LRP1B: variants seen among roughly 807,000 people sequenced by gnomAD.
The protein encoded by LRP1B is low-density lipoprotein receptor-related protein 1B.
In LRP1B, 217 loss-of-function variants were observed where a neutral mutation model predicts 556.6. The ratio of observed to expected loss-of-function variants is 0.39; its 90% CI spans 0.35 to 0.44. LRP1B has a LOEUF of 0.44. Ranked by LOEUF, LRP1B falls within the 20% of genes least tolerant of loss-of-function variation. LRP1B has a pLI of 1.00. For synonymous variants in LRP1B, 2,047 were observed against 1,865.8 expected, an observed-to-expected ratio of 1.10 and a Z score of -2.50; for missense variants, 5,053 against 5,620.8, an observed-to-expected ratio of 0.90 and a Z score of 3.23.
chr2:140,797,375 C>T (rs1690352822), intron 32 of LRP1B, among the ~76,000 whole-genome samples: 3 of 152,004 alleles, frequency 2.0e-5, no homozygotes, highest in Admixed American at 2.0e-4. Context: ...CAACAAACTT[C>T]TTCAAAGCTA....
intron 68 of LRP1B, among the ~76,000 whole-genome samples, chr2:140,373,869 GAAAC>G (rs879428869): frequency 5.3e-5 from 8 of 152,136 alleles, no homozygotes; most frequent in Non-Finnish European, 1.0e-4. Context: ...TATGGAATGT[GAAAC>G]AAACAAAAAT....
chr2:140,612,524 TTAC>T (rs1480471759), intron 41 of LRP1B, among the ~76,000 whole-genome samples: 1 of 152,176 alleles, frequency 6.6e-6, no homozygotes, highest in African/African-American at 2.4e-5. Context: ...ATGAATTTCT[TTAC>T]TCAACAAGTC....
At chr2:140,745,917 C>G (rs401163) in intron 35 of LRP1B, among the ~76,000 whole-genome samples, 1 of 151,870 alleles carries the variant, frequency 6.6e-6, no homozygotes, top group Non-Finnish European at 1.5e-5. Flanking sequence ...TATGGTAAGG[C>G]GGAAAGAGCA....
intron 43 of LRP1B, among the ~76,000 whole-genome samples, chr2:140,590,094 A>G (rs181952429): frequency 1.4e-4 from 21 of 152,116 alleles, no homozygotes; most frequent in African/African-American, 4.6e-4. Flanking sequence ...GTTTAATTAA[A>G]AATTCATAAG....
At chr2:140,763,081 A>G (rs931509580) in intron 35 of LRP1B, among the ~76,000 whole-genome samples, 3 of 152,138 alleles carry the variant, frequency 2.0e-5, no homozygotes, top group African/African-American at 7.2e-5. Context: ...AATATAAAAT[A>G]GTTTGACCTA....
intron 20 of LRP1B, among the ~76,000 whole-genome samples, chr2:140,923,751 T>C (rs1234556242): frequency 2.0e-5 from 3 of 152,072 alleles, no homozygotes; most frequent in Non-Finnish European, 4.4e-5. Context: ...AATATAAGAA[T>C]TGAAATACTA....
At chr2:141,802,783 A>G (rs1010491532) in intron 2 of LRP1B, among the ~76,000 whole-genome samples, 1 of 152,092 alleles carries the variant, frequency 6.6e-6, no homozygotes, top group Non-Finnish European at 1.5e-5. Context: ...TCCGGGAAGA[A>G]ATGTGCTCAC....
intron 1 of LRP1B, among the ~76,000 whole-genome samples, chr2:141,886,740 G>GT (rs1369103401): frequency 2.6e-5 from 4 of 151,950 alleles, no homozygotes; most frequent in African/African-American, 9.7e-5. Flanking sequence ...TTTTGTTTTT[G>GT]TTTTTTCCTT....
chr2:141,782,877 T>G (rs958952482), intron 2 of LRP1B, among the ~76,000 whole-genome samples: 1 of 152,054 alleles, frequency 6.6e-6, no homozygotes. Flanking sequence ...AAAGCCTTTC[T>G]GAGAAGAGCT....
intron 3 of LRP1B, among the ~76,000 whole-genome samples, chr2:141,372,095 C>G (rs1034098759): frequency 6.6e-6 from 1 of 151,906 alleles, no homozygotes; most frequent in African/African-American, 2.4e-5. Context: ...TTATCAAATG[C>G]TTTTTCTGCA....
At chr2:141,121,335 A>G (rs1284129249) in intron 7 of LRP1B, among the ~76,000 whole-genome samples, 2 of 152,084 alleles carry the variant, frequency 1.3e-5, no homozygotes, top group East Asian at 3.9e-4. Flanking sequence ...TCCAACCTTC[A>G]TCTCAGAAAG....
chr2:140,541,987 A>G lies in LRP1B; in HGVS notation c.7195-16T>C. 6.4e-7 allele frequency: 1 copy of G among 1,574,020 alleles called. No individual in the cohort carries two copies. Among genetic ancestry groups the G allele is most frequent in the Non-Finnish European group, 8.7e-7 (1 of 1,152,254 alleles). The stretch of plus-strand genomic sequence containing the variant: ...TAACTATCACCTGAAATAAATTAAA[A>G]TACTGTATTTTTATGATGAATATAT... On this transcript the variant is annotated splice_polypyrimidine_tract_variant and intron_variant, in intron 43 of 90. Coordinates refer to ENST00000389484, the MANE Select transcript of LRP1B (RefSeq NM_018557.3).
At chr2:141,553,791 G>T (rs941276135) in intron 2 of LRP1B, among the ~76,000 whole-genome samples, 67 of 131,404 alleles carry the variant, frequency 5.1e-4, no homozygotes, top group Admixed American at 1.6e-3. Context: ...TAAATATATA[G>T]AAATATATAT....
intron 43 of LRP1B, among the ~76,000 whole-genome samples, chr2:140,595,568 T>C (rs1437608048): frequency 1.3e-5 from 2 of 152,152 alleles, no homozygotes; most frequent in Non-Finnish European, 2.9e-5. Context: ...AGAACGTTTA[T>C]TTTACCTTTT....
At position 141,555,180 on chromosome 2, in the gene LRP1B, C is replaced by G. The variant is rs556826931; in HGVS notation, c.206-74647G>C. Among the ~76,000 whole-genome samples the G allele has an allele frequency of 7.9e-5, 12 of 151,938 alleles. No individual in the cohort carries two copies. The South Asian group carries it at 2.5e-3, about 32-fold the overall frequency. On this transcript the variant is annotated intron_variant, in intron 2 of 90. Transcript: ENST00000389484. ...CTCTGCTAAAGGAAATATATGTAAACAAATAAACAAACACCACTACAAATT... is the reference window on the plus strand; with the variant it reads ...CTCTGCTAAAGGAAATATATGTAAAGAAATAAACAAACACCACTACAAATT...
chr2:141,115,788 G>A (rs760923923), intron 7 of LRP1B, among the ~76,000 whole-genome samples: 2 of 151,972 alleles, frequency 1.3e-5, no homozygotes, highest in African/African-American at 2.4e-5. Context: ...CACCTGACTA[G>A]CATTTTTAAA....
intron 27 of LRP1B, among the ~76,000 whole-genome samples, chr2:140,852,772 A>G (rs904956134): frequency 7.9e-5 from 12 of 152,158 alleles, no homozygotes; most frequent in African/African-American, 2.2e-4. Context: ...TTGCAGCTCA[A>G]TGTCATTCTG....
intron 41 of LRP1B, among the ~76,000 whole-genome samples, chr2:140,608,260 A>T (rs1037807746): frequency 6.6e-6 from 1 of 152,192 alleles, no homozygotes; most frequent in African/African-American, 2.4e-5. Context: ...ATACAAAAAT[A>T]ACCAGTGAGA....
At chr2:140,440,976 T>C (rs2105298731) in intron 66 of LRP1B, among the ~76,000 whole-genome samples, 1 of 152,234 alleles carries the variant, frequency 6.6e-6, no homozygotes, top group Non-Finnish European at 1.5e-5. Context: ...TATGGGAATT[T>C]AGACAAGTTA....
Sources: allele counts gnomAD v4.1 joint callset (sites outside exome capture counted in the v4.1 genomes callset), GRCh38; gene constraint gnomAD v4.1.1; transcripts MANE v1.5; gene names NCBI Gene and HGNC (gene_info 2026-07-23, HGNC 2026-07-21).